The following LRRTM3 variants were observed in gnomAD, a reference collection of about 807,000 sequenced individuals.
The protein encoded by LRRTM3 is leucine-rich repeat transmembrane neuronal protein 3.
A neutral mutation model predicts 44.7 loss-of-function variants in LRRTM3; 24 were observed. The observed-to-expected ratio is 0.54, with a 90% CI of 0.39 to 0.76. The LOEUF is 0.76. LRRTM3 is among the 30% of genes least tolerant of loss of function. The pLI is 0.00. For synonymous variants in LRRTM3, 277 were observed against 278.7 expected, an observed-to-expected ratio of 0.99 and a Z score of 0.06; for missense variants, 587 against 702.2, an observed-to-expected ratio of 0.84 and a Z score of 1.85.
intron 2 of LRRTM3, among the ~76,000 whole-genome samples, chr10:67,047,586 T>C (rs1854833698): frequency 1.3e-5 from 2 of 152,152 alleles, no homozygotes; most frequent in Non-Finnish European, 2.9e-5. Flanking sequence ...TTTACCTTCA[T>C]CGTTTCAGGC....
At chr10:66,957,905 C>T (rs892854465) in intron 2 of LRRTM3, among the ~76,000 whole-genome samples, 1 of 152,034 alleles carries the variant, frequency 6.6e-6, no homozygotes, top group African/African-American at 2.4e-5. Flanking sequence ...TGGACTTACG[C>T]ATATGAACCC....
intron 2 of LRRTM3, among the ~76,000 whole-genome samples, chr10:67,082,844 G>T (rs763562852): frequency 2.0e-5 from 3 of 152,114 alleles, no homozygotes; most frequent in Non-Finnish European, 4.4e-5. Context: ...GGGTAGTCTG[G>T]GGGATGGACC....
chr10:66,974,173 C>A (rs181071377), intron 2 of LRRTM3, among the ~76,000 whole-genome samples: 1 of 152,072 alleles, frequency 6.6e-6, no homozygotes, highest in African/African-American at 2.4e-5. Flanking sequence ...GAGCTTGATA[C>A]GAATGAAATC....
chr10:67,058,746 A>G (rs1430192816), intron 2 of LRRTM3, among the ~76,000 whole-genome samples: 1 of 152,174 alleles, frequency 6.6e-6, no homozygotes, highest in Non-Finnish European at 1.5e-5. Flanking sequence ...CCTGTTGTGT[A>G]TCTAAGGAAT....
At chr10:67,092,979 G>C (rs1857746666) in intron 2 of LRRTM3, among the ~76,000 whole-genome samples, 1 of 151,870 alleles carries the variant, frequency 6.6e-6, no homozygotes, top group South Asian at 2.1e-4. Context: ...ATGCTTTCTA[G>C]AGAGTAAGTT....
Position 66,933,229 on chromosome 10 carries a change from G to A in LRRTM3, c.1536+4777G>A, listed in dbSNP as rs547284468. ...TACATCATTAGAAGTCTAGAACATC[G>A]TCTTTGACTTTCTGTTTTCACATAG... is the stretch of plus-strand genomic sequence containing the variant. On this transcript the variant is annotated intron_variant, in intron 2 of 2. Transcript: ENST00000361320. 5.9e-5 allele frequency among the ~76,000 whole-genome samples: 9 copies of A among 152,288 alleles called. No individual in the cohort carries two copies. In the South Asian group the frequency reaches 1.5e-3, roughly 25 times the overall value.
chr10:67,081,244 T>C (rs949052387), intron 2 of LRRTM3, among the ~76,000 whole-genome samples: 5 of 152,192 alleles, frequency 3.3e-5, no homozygotes, highest in African/African-American at 1.2e-4. Context: ...TTTAAAATGC[T>C]TAATTCTCTA....
At chr10:66,942,978 C>T (rs1307180017) in intron 2 of LRRTM3, among the ~76,000 whole-genome samples, 2 of 152,290 alleles carry the variant, frequency 1.3e-5, no homozygotes, top group East Asian at 3.9e-4. Context: ...CATAGGTTGA[C>T]TTTTCTTTCT....
intron 2 of LRRTM3, among the ~76,000 whole-genome samples, chr10:66,947,833 C>T (rs993974295): frequency 2.6e-5 from 4 of 152,134 alleles, no homozygotes; most frequent in Non-Finnish European, 5.9e-5. Flanking sequence ...AGTCATGTGG[C>T]GCTTAGCGAC....
intron 2 of LRRTM3, among the ~76,000 whole-genome samples, chr10:66,985,654 T>C (rs963089043): frequency 3.3e-5 from 5 of 152,124 alleles, no homozygotes; most frequent in Admixed American, 3.3e-4. Flanking sequence ...GAAGGGCAGG[T>C]GGAAATGATC....
At chr10:67,090,546 T>G (rs1857570614) in intron 2 of LRRTM3, among the ~76,000 whole-genome samples, 1 of 152,110 alleles carries the variant, frequency 6.6e-6, no homozygotes, top group Non-Finnish European at 1.5e-5. Flanking sequence ...AGGCAACCAC[T>G]TAGGCAACTC....
At chr10:66,942,404 A>T (rs1848044186) in intron 2 of LRRTM3, among the ~76,000 whole-genome samples, 2 of 152,200 alleles carry the variant, frequency 1.3e-5, no homozygotes, top group South Asian at 4.1e-4. Context: ...TTCTGTAACA[A>T]TGTTGTTCAG....
In LRRTM3 at chr10:66,994,065, A is replaced by AT. The variant is rs538161421; in HGVS notation, c.1536+65614dup. On this transcript the variant is annotated intron_variant, in intron 2 of 2. Coordinates refer to ENST00000361320, the MANE Select transcript of LRRTM3 (RefSeq NM_178011.5). ...AATTTTCCATTTGTAAATATTAATC[A>AT]TGCCAGGTCAAACTATCTTAACCAA... 8.8e-4 allele frequency among the ~76,000 whole-genome samples: 134 copies of AT among 152,354 alleles called. No homozygotes were observed. In the South Asian group the frequency reaches 0.027, roughly 31 times the overall value.
At chr10:67,063,947 C>T (rs1271759633) in intron 2 of LRRTM3, among the ~76,000 whole-genome samples, 1 of 152,160 alleles carries the variant, frequency 6.6e-6, no homozygotes, top group Non-Finnish European at 1.5e-5. Context: ...CACACACACT[C>T]GTCAGCTAAT....
Position 66,928,279 on chromosome 10 carries a change from C to G in LRRTM3, c.1363C>G (p.Arg455Gly). The G allele has an allele frequency of 1.9e-6, 3 of 1,614,132 alleles. No homozygotes were observed. Among genetic ancestry groups the G allele is most frequent in the South Asian group, 1.1e-5 (1 of 91,074 alleles). ...TGCGAGCATGAAGCAGCTGCAGCAG[C>G]GCTCCCTCATGCGAAGGCACAGGAA... ...YPASMKQLQQ[R>G]SLMRRHRKKK... The change falls in exon 2 of 3, where the codon CGC becomes GGC. Residue 455 changes from arginine to glycine, a missense_variant. Arg to Gly is a moderately radical substitution (Grantham distance 125). This residue lies in a region of LRRTM3 where 315 missense variants were observed against 335.6 expected (regional missense o/e 0.94). Coordinates refer to ENST00000361320, the MANE Select transcript of LRRTM3 (RefSeq NM_178011.5).
Position 66,976,795 on chromosome 10 carries a change from T to C in LRRTM3, c.1536+48343T>C, listed in dbSNP as rs142545235. Among the ~76,000 whole-genome samples, 1,292 of 152,340 alleles carry C rather than the reference T, an allele frequency of 8.5e-3. 12 individuals carry two copies. Among genetic ancestry groups the C allele is most frequent in the Non-Finnish European group, 0.015 (1,008 of 68,032 alleles). ...TCTTTAAATTTCATGTAAATGATTATTTTATTGGTAAAATGTATAACAAGT... is the reference window on the plus strand; with the variant it reads ...TCTTTAAATTTCATGTAAATGATTACTTTATTGGTAAAATGTATAACAAGT... On this transcript the variant is annotated intron_variant, in intron 2 of 2. Transcript: ENST00000361320.
intron 2 of LRRTM3, among the ~76,000 whole-genome samples, chr10:66,976,011 G>T (rs1297534856): frequency 1.3e-5 from 2 of 152,266 alleles, no homozygotes; most frequent in African/African-American, 4.8e-5. Context: ...TCTACCAACT[G>T]CCCTCTTTAA....
chr10:66,944,398 C>T (rs576461910), intron 2 of LRRTM3, among the ~76,000 whole-genome samples: 1 of 152,102 alleles, frequency 6.6e-6, no homozygotes, highest in African/African-American at 2.4e-5. Context: ...AATTCTAGTT[C>T]CCCGCTATTT....
At chr10:66,964,277 CTT>C (rs566704978) in intron 2 of LRRTM3, among the ~76,000 whole-genome samples, 2,541 of 140,228 alleles carry the variant, frequency 0.018, 85 homozygotes, top group African/African-American at 0.059. Flanking sequence ...AAGAGCAGGT[CTT>C]TTTTTTTTTT....
Sources: allele counts gnomAD v4.1 joint callset (sites outside exome capture counted in the v4.1 genomes callset), GRCh38; gene constraint gnomAD v4.1.1; regional missense constraint gnomAD v4.1.1; transcripts MANE v1.5; gene names NCBI Gene and HGNC (gene_info 2026-07-23, HGNC 2026-07-21).